Variants in IRAG1 observed in about 807,000 individuals in gnomAD.
IRAG1 encodes the protein inositol 1,4,5-triphosphate receptor associated 1, also known as IP3R-associated cGMP kinase substrate.
IRAG1 carries 62 observed loss-of-function variants against 106.2 expected under a neutral mutation model. The ratio of observed to expected loss-of-function variants is 0.58; its 90% CI spans 0.48 to 0.72. The LOEUF is 0.72. IRAG1 is among the 30% of genes least tolerant of loss of function. The pLI is 0.00. For missense variants in IRAG1, 1,064 were observed against 1,140.7 expected, an observed-to-expected ratio of 0.93 and a Z score of 0.97; for synonymous variants, 462 against 443.9, an observed-to-expected ratio of 1.04 and a Z score of -0.51.
intron 1 of IRAG1, among the ~76,000 whole-genome samples, chr11:10,663,013 C>T (rs147035743): frequency 6.6e-5 from 10 of 152,272 alleles, no homozygotes; most frequent in South Asian, 4.1e-4. Flanking sequence ...TTGGATCTCC[C>T]GGCCTCTGAA....
chr11:10,666,025 G>A (rs1159791505), intron 1 of IRAG1, among the ~76,000 whole-genome samples: 4 of 152,192 alleles, frequency 2.6e-5, no homozygotes, highest in East Asian at 1.9e-4. Flanking sequence ...TTGGTGATTA[G>A]AGGCCCATGT....
chr11:10,629,967 A>G (rs1856561506), intron 4 of IRAG1: 1 of 430,290 alleles, frequency 2.3e-6, no homozygotes, highest in South Asian at 4.2e-5. Flanking sequence ...GAATTTTCCT[A>G]AACTCTGTCA....
chr11:10,595,395 T>C (rs1022768918), intron 15 of IRAG1, among the ~76,000 whole-genome samples: 1 of 152,212 alleles, frequency 6.6e-6, no homozygotes, highest in Non-Finnish European at 1.5e-5. Flanking sequence ...CTGACACTTT[T>C]GTTTGGAAAT....
intron 1 of IRAG1, among the ~76,000 whole-genome samples, chr11:10,652,836 GCT>G (rs1858631338): frequency 6.6e-6 from 1 of 152,020 alleles, no homozygotes; most frequent in African/African-American, 2.4e-5. Context: ...CTCAGCACAG[GCT>G]CTCTCATTTG....
In IRAG1 at chr11:10,659,358, G is replaced by A. The variant is rs756244342; in HGVS notation, c.68-7176C>T. 6.6e-6 allele frequency among the ~76,000 whole-genome samples: 1 copy of A among 152,216 alleles called. No individual in the cohort carries two copies. The highest frequency in any genetic ancestry group is 2.1e-4 in the South Asian group (1 of 4,828). The stretch of plus-strand genomic sequence containing the variant: ...GATCTAGATTGAAGGGAATTGTGCA[G>A]GAGCAGGAATGGTGAAGGGCGGAGA... On this transcript the variant is annotated intron_variant, in intron 1 of 20. Transcript: ENST00000423302. The surrounding 1 kb of genome is among the most constrained non-coding windows in gnomAD (Gnocchi z 4.1).
chr11:10,642,741 TG>T (rs1187114104), intron 2 of IRAG1, among the ~76,000 whole-genome samples: 3 of 152,160 alleles, frequency 2.0e-5, no homozygotes, highest in African/African-American at 4.8e-5. Flanking sequence ...GTGAAAGTGG[TG>T]GTGGTGGGTG....
rs141837344 is a variant in IRAG1 at position 10,649,534 on chromosome 11, C to G, written c.225+2491G>C. On this transcript the variant is annotated intron_variant, in intron 2 of 20. Transcript: ENST00000423302. Reference sequence around the variant, plus strand: ...GTCTCTTGACCAGAATGTAGAGGAGCTGGGATTGAAGCCCAGCTTGGTATG... The same window carrying G: ...GTCTCTTGACCAGAATGTAGAGGAGGTGGGATTGAAGCCCAGCTTGGTATG... 4.1e-3 allele frequency among the ~76,000 whole-genome samples: 618 copies of G among 152,290 alleles called. 6 individuals are homozygous for G. The highest frequency in any genetic ancestry group is 0.014 in the African/African-American group (602 of 41,554).
chr11:10,681,666 C>T (rs1183436970), intron 1 of IRAG1, among the ~76,000 whole-genome samples: 2 of 152,184 alleles, frequency 1.3e-5, no homozygotes, highest in Non-Finnish European at 2.9e-5. Flanking sequence ...AAGAGCACAA[C>T]ATGAGTTGAA....
intron 1 of IRAG1, among the ~76,000 whole-genome samples, chr11:10,692,005 T>G (rs116032002): frequency 0.013 from 1,937 of 152,272 alleles, 51 homozygotes; most frequent in African/African-American, 0.044. Flanking sequence ...CAATACATAG[T>G]AAGAACCATG....
At chr11:10,642,994 AC>A (rs1297445009) in intron 2 of IRAG1, among the ~76,000 whole-genome samples, 1 of 151,894 alleles carries the variant, frequency 6.6e-6, no homozygotes, top group Non-Finnish European at 1.5e-5. Flanking sequence ...ACACAGTGAA[AC>A]CCCGTCTCTA....
At position 10,665,126 on chromosome 11, in the gene IRAG1, A is replaced by ACCTAACCCTAAC. The variant is rs59268703; in HGVS notation, c.68-12956_68-12945dup. 6.8e-4 allele frequency among the ~76,000 whole-genome samples: 103 copies of ACCTAACCCTAAC among 151,466 alleles called. No homozygotes were observed. Among genetic ancestry groups the ACCTAACCCTAAC allele is most frequent in the African/African-American group, 2.3e-3 (93 of 41,236 alleles). ...CTCTCACCTCTCTACTGTGCTGCTT[A>ACCTAACCCTAAC]CCTAACCCTAACCCTAACCCTAACC... On this transcript the variant is annotated intron_variant, in intron 1 of 20. Coordinates refer to ENST00000423302, the MANE Select transcript of IRAG1 (RefSeq NM_130385.4). The surrounding 1 kb of genome is among the most constrained non-coding windows in gnomAD (Gnocchi z 4.2).
intron 12 of IRAG1, among the ~76,000 whole-genome samples, chr11:10,605,639 G>A (rs1163552184): frequency 6.6e-6 from 1 of 152,176 alleles, no homozygotes; most frequent in Non-Finnish European, 1.5e-5. Flanking sequence ...TGTCTGATTT[G>A]AAAGCCTGTT....
chr11:10,597,910 C>T (rs1853513591), intron 15 of IRAG1, among the ~76,000 whole-genome samples: 1 of 152,192 alleles, frequency 6.6e-6, no homozygotes, highest in Non-Finnish European at 1.5e-5. Context: ...ATCTTAGAAG[C>T]ACCATCTTGC....
intron 10 of IRAG1, among the ~76,000 whole-genome samples, chr11:10,618,137 T>C (rs1855567906): frequency 6.6e-6 from 1 of 152,144 alleles, no homozygotes; most frequent in Non-Finnish European, 1.5e-5. Context: ...TCACATGACA[T>C]TCCTTCTGTT....
At chr11:10,601,723 A>G (rs1047987386) in intron 14 of IRAG1, among the ~76,000 whole-genome samples, 3 of 152,222 alleles carry the variant, frequency 2.0e-5, no homozygotes, top group Non-Finnish European at 4.4e-5. Context: ...TATCTCCCTT[A>G]AAGTAAGAGA....
chr11:10,659,770 C>T lies in IRAG1; in HGVS notation c.68-7588G>A, dbSNP rs1296581775. Among the ~76,000 whole-genome samples, 2 of 152,046 alleles carry T rather than the reference C, an allele frequency of 1.3e-5. No homozygotes were observed. Among genetic ancestry groups the T allele is most frequent in the African/African-American group, 2.4e-5 (1 of 41,402 alleles). On this transcript the variant is annotated intron_variant, in intron 1 of 20. Coordinates refer to ENST00000423302, the MANE Select transcript of IRAG1 (RefSeq NM_130385.4). The surrounding 1 kb of genome is among the most constrained non-coding windows in gnomAD (Gnocchi z 4.1). ...CTTCTTCAAAATATGTACAATTGCT[C>T]AATCGGAGGCAGTTCAAAGGCACCG...
chr11:10,589,012 T>C (rs947063482), intron 18 of IRAG1: 3 of 152,214 alleles, frequency 2.0e-5, no homozygotes, highest in African/African-American at 7.2e-5. Flanking sequence ...TATGTTTAAG[T>C]CTACAGGTTT....
In IRAG1 at chr11:10,665,583, C is replaced by G. The variant is rs528243828; in HGVS notation, c.68-13401G>C. 1.3e-5 allele frequency among the ~76,000 whole-genome samples: 2 copies of G among 152,226 alleles called. No individual in the cohort carries two copies. Among genetic ancestry groups the G allele is most frequent in the East Asian group, 1.9e-4 (1 of 5,200 alleles). On this transcript the variant is annotated intron_variant, in intron 1 of 20. Coordinates refer to ENST00000423302, the MANE Select transcript of IRAG1 (RefSeq NM_130385.4). The surrounding 1 kb of genome is among the most constrained non-coding windows in gnomAD (Gnocchi z 4.2). ...GAGCTGGATAGGCTCTCACTCTCAA[C>G]CCTCCCCAGAAGAGCAGACCCCAAG...
Position 10,626,294 on chromosome 11 carries a change from C to A in IRAG1, c.1040G>T (p.Ser347Ile). 1.9e-6 allele frequency: 3 copies of A among 1,613,044 alleles called. No homozygotes were observed. The highest frequency in any genetic ancestry group is 2.5e-6 in the Non-Finnish European group (3 of 1,179,488). ...TGWEGSPLPR[S>I]PTQDAAGVGP... ...CACTCCTGCCGCATCCTGGGTTGGACTTCTCGGCAGAGGGCTGCCCTCCCA... is the reference window on the plus strand; with the variant it reads ...CACTCCTGCCGCATCCTGGGTTGGAATTCTCGGCAGAGGGCTGCCCTCCCA... The change falls in exon 9 of 21, where the codon AGT (serine) becomes ATT (isoleucine). Residue 347 changes from serine (S) to isoleucine (I), a missense_variant. Ser to Ile is a moderately radical substitution (Grantham distance 142). Transcript: ENST00000423302.
Sources: allele counts gnomAD v4.1 joint callset (sites outside exome capture counted in the v4.1 genomes callset), GRCh38; gene constraint gnomAD v4.1.1; non-coding constraint Gnocchi (gnomAD v3.1); transcripts MANE v1.5; gene names NCBI Gene and HGNC (gene_info 2026-07-23, HGNC 2026-07-21).